The following LUC7L2 variants were observed in gnomAD, a reference collection of about 807,000 sequenced individuals.
LUC7L2 encodes putative RNA-binding protein Luc7-like 2.
LUC7L2 carries 25 observed loss-of-function variants against 52.8 expected under a neutral mutation model. The observed-to-expected ratio is 0.47, with a 90% CI of 0.34 to 0.66. The LOEUF (loss-of-function observed/expected upper bound fraction) is 0.66, where lower values mean the gene tolerates loss of function less well. Ranked by LOEUF, LUC7L2 falls within the 30% of genes least tolerant of loss-of-function variation. The pLI, the probability that LUC7L2 is intolerant of heterozygous loss-of-function variation, is 0.01. For synonymous variants in LUC7L2, 144 were observed against 160.9 expected, an observed-to-expected ratio of 0.89 and a Z score of 0.80; for missense variants, 328 against 497.8, an observed-to-expected ratio of 0.66 and a Z score of 3.25.
In LUC7L2 at chr7:139,417,586, T is replaced by G; in HGVS notation, c.858T>G (p.Arg286=). 1 of 1,614,116 alleles carries G rather than the reference T, an allele frequency of 6.2e-7. No individual in the cohort carries two copies. The highest frequency in any genetic ancestry group is 8.5e-7 in the Non-Finnish European group (1 of 1,180,014). The change falls in exon 9 of 10, where the codon CGT becomes CGG. Residue 286 remains arginine, a synonymous_variant. Coordinates refer to ENST00000354926, the MANE Select transcript of LUC7L2 (RefSeq NM_016019.5). The part of the protein sequence containing the change: ...HRRHRSRSMS[R]ERKRRTRSKS... ...GACATCGATCTCGCTCCATGTCACGTGAACGCAAGAGGAGAACTCGATCCA... is the reference window on the plus strand; with the variant it reads ...GACATCGATCTCGCTCCATGTCACGGGAACGCAAGAGGAGAACTCGATCCA...
At chr7:139,362,269 T>A (rs191586426) in intron 1 of LUC7L2, among the ~76,000 whole-genome samples, 58 of 152,290 alleles carry the variant, frequency 3.8e-4, no homozygotes, top group African/African-American at 1.3e-3. Context: ...GAGTTTTTTT[T>A]AGATATCAAA....
intron 2 of LUC7L2, among the ~76,000 whole-genome samples, chr7:139,393,608 A>G (rs1794539087): frequency 3.3e-5 from 5 of 151,884 alleles, no homozygotes; most frequent in Admixed American, 2.6e-4. Flanking sequence ...CACCCTGTCC[A>G]GCTATTTTTT....
chr7:139,341,498 T>G, intron 1 of LUC7L2: 3 of 1,613,578 alleles, frequency 1.9e-6, no homozygotes, highest in Non-Finnish European at 2.5e-6. Flanking sequence ...ATCGGTACCT[T>G]GTGAAGGCTT....
chr7:139,385,854 G>A (rs988816666), intron 2 of LUC7L2, among the ~76,000 whole-genome samples: 1 of 152,130 alleles, frequency 6.6e-6, no homozygotes, highest in Non-Finnish European at 1.5e-5. Context: ...TTAGAGATAA[G>A]TAGTTTTATC....
intron 2 of LUC7L2, among the ~76,000 whole-genome samples, chr7:139,382,894 G>GGGTA (rs763665840): frequency 1.3e-5 from 2 of 151,764 alleles, no homozygotes; most frequent in Non-Finnish European, 2.9e-5. Context: ...TCAGTTATGT[G>GGGTA]GGTACATACA....
intron 1 of LUC7L2, among the ~76,000 whole-genome samples, chr7:139,352,169 C>T (rs1309236554): frequency 6.6e-6 from 1 of 152,002 alleles, no homozygotes; most frequent in Non-Finnish European, 1.5e-5. Context: ...GCTCTCCAGC[C>T]TGGGCGACAG....
chr7:139,384,311 G>A (rs1194962766), intron 2 of LUC7L2, among the ~76,000 whole-genome samples: 1 of 151,906 alleles, frequency 6.6e-6, no homozygotes, highest in Non-Finnish European at 1.5e-5. Context: ...TATACTCCAG[G>A]CTGGAGTGCA....
At chr7:139,389,598 G>A (rs1374593735) in intron 2 of LUC7L2, among the ~76,000 whole-genome samples, 1 of 152,116 alleles carries the variant, frequency 6.6e-6, no homozygotes, top group Non-Finnish European at 1.5e-5. Context: ...GCCCTCTTTT[G>A]TGAATTTGCT....
At chr7:139,418,455 TA>T (rs954942985) in intron 9 of LUC7L2, among the ~76,000 whole-genome samples, 3 of 152,252 alleles carry the variant, frequency 2.0e-5, no homozygotes, top group Non-Finnish European at 4.4e-5. Flanking sequence ...AAGCCATGTT[TA>T]AAATTGCTTT....
chr7:139,393,522 T>C (rs999144017), intron 2 of LUC7L2, among the ~76,000 whole-genome samples: 8 of 152,104 alleles, frequency 5.3e-5, no homozygotes. Context: ...CTCAGCTCAC[T>C]GCAAACCTCT....
chr7:139,359,923 C>T lies in LUC7L2; in HGVS notation c.-339C>T, dbSNP rs1245438362. ...CCGTCGTGGCGACGGTGGCGGCGAGCGGCGTCAGAGCTTGAGGGGGGGTTG... is the reference window on the plus strand; with the variant it reads ...CCGTCGTGGCGACGGTGGCGGCGAGTGGCGTCAGAGCTTGAGGGGGGGTTG... On this transcript the variant is annotated 5_prime_UTR_variant, in exon 1 of 10. Transcript: ENST00000354926. 7.2e-6 allele frequency: 3 copies of T among 415,132 alleles called. No individual in the cohort carries two copies. Among genetic ancestry groups the T allele is most frequent in the Admixed American group, 4.4e-5 (1 of 22,766 alleles). 25.7% of individuals were successfully genotyped at this position (415,132 alleles called of 1,614,324 possible).
chr7:139,349,326 T>C (rs1315168388), intron 1 of LUC7L2, among the ~76,000 whole-genome samples: 1 of 152,242 alleles, frequency 6.6e-6, no homozygotes, highest in Non-Finnish European at 1.5e-5. Context: ...AGTGTATGCG[T>C]ATTATGTTAT....
At chr7:139,401,600 G>C (rs1442299289) in intron 3 of LUC7L2, among the ~76,000 whole-genome samples, 2 of 151,842 alleles carry the variant, frequency 1.3e-5, no homozygotes, top group African/African-American at 4.8e-5. Flanking sequence ...TTACAGGCGC[G>C]CACTACCATG....
intron 1 of LUC7L2, among the ~76,000 whole-genome samples, chr7:139,361,152 A>C (rs925251324): frequency 6.6e-6 from 1 of 152,250 alleles, no homozygotes; most frequent in South Asian, 2.1e-4. Context: ...ATTTCTAAAT[A>C]AAATGATGAA....
chr7:139,422,069 C>A, intron 9 of LUC7L2, 94 bp from the exon 10 acceptor site: 1 of 1,471,742 alleles, frequency 6.8e-7, no homozygotes, highest in Non-Finnish European at 9.0e-7. Context: ...GTCTATATAT[C>A]TTCAGCTATC....
chr7:139,378,764 A>G (rs1569374983), intron 2 of LUC7L2, among the ~76,000 whole-genome samples: 1 of 152,204 alleles, frequency 6.6e-6, no homozygotes. Flanking sequence ...CTATTTGTAC[A>G]TAGGGTGAAC....
chr7:139,354,784 C>G (rs1799559420), intron 1 of LUC7L2, among the ~76,000 whole-genome samples: 1 of 151,976 alleles, frequency 6.6e-6, no homozygotes, highest in South Asian at 2.1e-4. Context: ...TAAATCACAC[C>G]CACTTTAAGC....
At chr7:139,396,838 T>C (rs1416082989) in intron 2 of LUC7L2, among the ~76,000 whole-genome samples, 1 of 152,206 alleles carries the variant, frequency 6.6e-6, no homozygotes, top group African/African-American at 2.4e-5. Context: ...ACTTACATTT[T>C]TAAAATGTCT....
At chr7:139,360,456 C>A (rs903993816) in intron 1 of LUC7L2, 134 bp downstream of exon 1, 1 of 742,928 alleles carries the variant, frequency 1.3e-6, no homozygotes, top group Non-Finnish European at 2.1e-6. Flanking sequence ...AGGTCCCCGT[C>A]CCCCGTCCCA....
Sources: gnomAD v4.1 joint callset for allele counts (sites outside exome capture counted in the v4.1 genomes callset) on GRCh38, gnomAD v4.1.1 for gene constraint, MANE v1.5 for transcripts, NCBI Gene and HGNC (gene_info 2026-07-23, HGNC 2026-07-21) for gene names.